Variants in PNPT1 observed in about 807,000 individuals in gnomAD.
PNPT1 encodes polyribonucleotide nucleotidyltransferase 1, also known as polyribonucleotide nucleotidyltransferase 1, mitochondrial.
Under a neutral mutation model 119.5 loss-of-function variants are expected in PNPT1, and 53 were observed. The ratio of observed to expected loss-of-function variants is 0.44; its 90% confidence interval spans 0.36 to 0.56. PNPT1 has a LOEUF of 0.56. Ranked by LOEUF, PNPT1 falls within the 20% of genes least tolerant of loss-of-function variation. The probability of loss-of-function intolerance (pLI) is 0.00; values close to 1 mark genes in which losing one functional copy is unlikely to be tolerated. For synonymous variants in PNPT1, 357 were observed against 322.1 expected (o/e 1.11, Z -1.16); for missense variants, 948 against 938.5 (o/e 1.01, Z -0.13).
chr2:55,655,073 T>G (rs1196322888), intron 17 of PNPT1, 120 bp from the exon 18 acceptor site: 3 of 982,998 alleles, frequency 3.1e-6, no homozygotes, highest in African/African-American at 3.3e-5. Flanking sequence ...TAGTCTCTTC[T>G]TTTTAAAAGC....
rs745754666 is a variant in PNPT1 at position 55,656,374 on chromosome 2, TAAAAA to T, written c.1285-8_1285-4del. On this transcript the variant is annotated splice_region_variant and splice_polypyrimidine_tract_variant and intron_variant, in intron 15 of 27. Coordinates refer to ENST00000447944, the MANE Select transcript of PNPT1 (RefSeq NM_033109.5). ...TCATTAGTTGCATAAGGAGGAAACT[TAAAAA>T]AAAAAAAACACAAACACACATATAC... is the stretch of plus-strand genomic sequence containing the variant. 3.9e-6 allele frequency: 5 copies of T among 1,274,478 alleles called. No homozygotes were observed. Among genetic ancestry groups the T allele is most frequent in the Non-Finnish European group, 2.1e-6 (2 of 933,354 alleles). 78.9% of individuals were successfully genotyped at this position (1,274,478 alleles called of 1,614,324 possible).
intron 14 of PNPT1, among the ~76,000 whole-genome samples, chr2:55,661,247 C>G (rs1696563412): frequency 6.6e-6 from 1 of 151,868 alleles, no homozygotes; most frequent in East Asian, 1.9e-4. Context: ...TGCCCACCAT[C>G]ACGCCCAGCT....
intron 25 of PNPT1, among the ~76,000 whole-genome samples, chr2:55,641,172 C>T (rs746587505): frequency 3.3e-5 from 5 of 152,002 alleles, no homozygotes; most frequent in Non-Finnish European, 5.9e-5. Context: ...GGCAGTGAGC[C>T]GAGATCGTGC....
intron 5 of PNPT1, among the ~76,000 whole-genome samples, chr2:55,681,237 T>C (rs1163343079): frequency 1.3e-5 from 2 of 152,038 alleles, no homozygotes; most frequent in Non-Finnish European, 2.9e-5. Flanking sequence ...TGAAACTCTG[T>C]CGCTACTAAA....
intron 15 of PNPT1, among the ~76,000 whole-genome samples, chr2:55,659,890 T>A (rs1022830048): frequency 6.6e-6 from 1 of 152,126 alleles, no homozygotes; most frequent in African/African-American, 2.4e-5. Context: ...TGGAAGTTTT[T>A]AAAAATAAAA....
rs562284732 is a variant in PNPT1 at position 55,650,314 on chromosome 2, C to T, written c.1496-2861G>A. On this transcript the variant is annotated intron_variant, in intron 18 of 27. Transcript: ENST00000447944. ...CGCGCCGCCACGCCTGACTGGTTTT[C>T]GTATTTTTTTGGTGGAGACGGGGTT... 4.8e-3 allele frequency among the ~76,000 whole-genome samples: 726 copies of T among 152,292 alleles called. 5 individuals are homozygous for T. The highest frequency in any genetic ancestry group is 0.017 in the Middle Eastern group (5 of 290).
intron 13 of PNPT1, among the ~76,000 whole-genome samples, chr2:55,666,521 C>CA (rs1460701856): frequency 1.3e-5 from 2 of 151,974 alleles, no homozygotes; most frequent in African/African-American, 2.4e-5. Flanking sequence ...AATTATACCT[C>CA]AAAAAAACTG....
chr2:55,667,721 G>T, intron 12 of PNPT1, 141 bp downstream of exon 12: 2 of 1,090,612 alleles, frequency 1.8e-6, no homozygotes, highest in Non-Finnish European at 2.5e-6. Context: ...TCTTCAATAG[G>T]TGTCCATTTA....
rs1261102023 is a variant in PNPT1, at chr2:55,662,442, TGAGGCGGGCAGATCACA to T, written c.1177-433_1177-417del. ...CTGTAATCCCAGCACTTTGGGAGGC[TGAGGCGGGCAGATCACA>T]AGGTCAGGAATTCGAGATCAGCCTG... On this transcript the variant is annotated intron_variant, in intron 13 of 27. Transcript: ENST00000447944. Among the ~76,000 whole-genome samples the T allele has an allele frequency of 3.3e-5, 5 of 152,146 alleles. No individual in the cohort carries two copies. The South Asian group carries it at 6.2e-4, about 19-fold the overall frequency.
chr2:55,669,348 C>A (rs944950718), intron 11 of PNPT1, among the ~76,000 whole-genome samples: 1 of 152,246 alleles, frequency 6.6e-6, no homozygotes, highest in Admixed American at 6.5e-5. Flanking sequence ...TCTACCCTAT[C>A]AATTAATTTA....
chr2:55,637,322 C>T (rs377090995), intron 27 of PNPT1, among the ~76,000 whole-genome samples: 1 of 152,228 alleles, frequency 6.6e-6, no homozygotes, highest in South Asian at 2.1e-4. Flanking sequence ...ATTTTTTAAA[C>T]GAACTAAGGG....
intron 1 of PNPT1, among the ~76,000 whole-genome samples, chr2:55,688,828 T>C (rs549916415): frequency 6.6e-6 from 1 of 152,288 alleles, no homozygotes; most frequent in South Asian, 2.1e-4. Context: ...AAATATTGCC[T>C]ATAAGGACCT....
At position 55,655,574 on chromosome 2, in the gene PNPT1, G is replaced by C. The variant is rs1036630475; in HGVS notation, c.1441+557C>G. 1.2e-4 allele frequency among the ~76,000 whole-genome samples: 19 copies of C among 152,320 alleles called. No individual in the cohort carries two copies. The South Asian group carries it at 1.7e-3, about 13-fold the overall frequency. ...CATTAATTTAGTCACACCCAGTAGA[G>C]AACCACAAAGTCTTTAGTTAAAATT... is the stretch of plus-strand genomic sequence containing the variant. On this transcript the variant is annotated intron_variant, in intron 17 of 27. Transcript: ENST00000447944.
At chr2:55,664,316 CT>C (rs1385737340) in intron 13 of PNPT1, among the ~76,000 whole-genome samples, 1 of 152,070 alleles carries the variant, frequency 6.6e-6, no homozygotes, top group Admixed American at 6.6e-5. Context: ...AAAATTAATT[CT>C]AAAAAGACTG....
chr2:55,672,188 C>A (rs1007155909), intron 9 of PNPT1, 142 bp from the exon 10 acceptor site: 2 of 652,642 alleles, frequency 3.1e-6, no homozygotes, highest in Non-Finnish European at 5.1e-6. Flanking sequence ...ATTTATATTG[C>A]TATTTATCAT....
chr2:55,642,171 G>C (rs112706765), intron 25 of PNPT1, among the ~76,000 whole-genome samples: 5 of 151,576 alleles, frequency 3.3e-5, no homozygotes, highest in African/African-American at 1.2e-4. Flanking sequence ...TGCCAATTAA[G>C]CATTCAGATA....
At chr2:55,683,265 A>C (rs1336875115) in intron 5 of PNPT1, among the ~76,000 whole-genome samples, 1 of 152,120 alleles carries the variant, frequency 6.6e-6, no homozygotes, top group South Asian at 2.1e-4. Context: ...GCTAACTCCT[A>C]CTGAAATTCA....
chr2:55,643,164 T>C lies in PNPT1; in HGVS notation c.2063A>G (p.Glu688Gly), dbSNP rs1449149749. ...FGAVYTATIT[E>G]IRDTGVMVKL... The stretch of plus-strand genomic sequence containing the variant: ...GTATATTACTTGATATTACCTGATT[T>C]CAGTTATTGTGGCGGTATATACTGC... The change falls in exon 25 of 28, where the codon GAA becomes GGA. Residue 688 changes from glutamate (E) to glycine (G), a missense_variant. Transcript: ENST00000447944. 5 of 1,614,146 alleles carry C rather than the reference T, an allele frequency of 3.1e-6. No homozygotes were observed. Among genetic ancestry groups the C allele is most frequent in the Non-Finnish European group, 4.2e-6 (5 of 1,179,992 alleles).
intron 3 of PNPT1, 139 bp from the exon 4 acceptor site, chr2:55,685,187 A>G: frequency 1.7e-6 from 1 of 577,274 alleles, no homozygotes; most frequent in Non-Finnish European, 2.7e-6. Flanking sequence ...AGCATTTTGT[A>G]TCTTTTGGGG....
Sources: allele counts gnomAD v4.1 joint callset (sites outside exome capture counted in the v4.1 genomes callset), GRCh38; gene constraint gnomAD v4.1.1; transcripts MANE v1.5; gene names NCBI Gene and HGNC (gene_info 2026-07-23, HGNC 2026-07-21).